The following NDUFAF1 variants were observed in gnomAD, a reference collection of about 807,000 sequenced individuals.
NDUFAF1 encodes NADH:ubiquinone oxidoreductase complex assembly factor 1.
In NDUFAF1, 18 loss-of-function variants were observed where a neutral mutation model predicts 28.7. The observed-to-expected ratio is 0.63, with a 90% CI of 0.43 to 0.93. The LOEUF (loss-of-function observed/expected upper bound fraction) is 0.93. Ranked by LOEUF, NDUFAF1 falls within the 40% of genes least tolerant of loss-of-function variation. The pLI is 0.00. For synonymous variants in NDUFAF1, 113 were observed against 139.7 expected (o/e 0.81, Z 1.35); for missense variants, 404 against 398.3 (o/e 1.01, Z -0.12).
upstream of NDUFAF1, chr15:41,402,503 A>G (rs2140934821): frequency 5.9e-6 from 2 of 336,802 alleles, no homozygotes; most frequent in South Asian, 4.5e-5. Context: ...GTATAGGTCC[A>G]TCTGCTTTTC....
chr15:41,387,640 A>G (rs1385631142), intron 4 of NDUFAF1, 47 bp from the exon 5 acceptor site: 3 of 1,487,120 alleles, frequency 2.0e-6, no homozygotes, highest in Non-Finnish European at 2.8e-6. Context: ...ACAGTGACGT[A>G]CTGAGATTAT....
chr15:41,397,123 C>CA lies in NDUFAF1; in HGVS notation c.-65dup, dbSNP rs2050400612. ...AGCAAGGGCCACCAAGAAGCTTCAGCAAATAGCCCAATTCTACCTATAACA... is the reference window on the plus strand; with the variant it reads ...AGCAAGGGCCACCAAGAAGCTTCAGCAAAATAGCCCAATTCTACCTATAACA... On this transcript the variant is annotated 5_prime_UTR_variant, in exon 2 of 5. It removes the in-frame stop codon of an upstream open reading frame in the 5' UTR. Transcript: ENST00000260361. The CA allele has an allele frequency of 7.5e-7, 1 of 1,337,402 alleles. No homozygotes were observed. Among genetic ancestry groups the CA allele is most frequent in the African/African-American group, 1.4e-5 (1 of 69,148 alleles). 82.8% of individuals were successfully genotyped at this position (1,337,402 alleles called of 1,614,324 possible). A position where few individuals can be genotyped will look rare whatever the true frequency, so the allele number is the denominator to read the frequency against.
chr15:41,387,972 T>C (rs2050272161), intron 4 of NDUFAF1, among the ~76,000 whole-genome samples: 1 of 152,124 alleles, frequency 6.6e-6, no homozygotes, highest in Non-Finnish European at 1.5e-5. Context: ...TAGCCAAGTG[T>C]GGTGGCAGGC....
At chr15:41,395,536 A>AT (rs559804321) in intron 2 of NDUFAF1, among the ~76,000 whole-genome samples, 1 of 149,654 alleles carries the variant, frequency 6.7e-6, no homozygotes, top group African/African-American at 2.5e-5. Context: ...CACCCGGCTA[A>AT]TTTTTTTGTA....
intron 3 of NDUFAF1, 100 bp downstream of exon 3, chr15:41,394,759 C>T: frequency 2.5e-6 from 3 of 1,222,146 alleles, no homozygotes; most frequent in Non-Finnish European, 3.6e-6. Context: ...CTCAGGTGAT[C>T]CACCCACCTC....
At chr15:41,399,872 A>G (rs1009653276) in intron 1 of NDUFAF1, among the ~76,000 whole-genome samples, 1 of 149,096 alleles carries the variant, frequency 6.7e-6, no homozygotes, top group African/African-American at 2.5e-5. Flanking sequence ...AAAAAAAAAA[A>G]AAAAAAAAAT....
intron 4 of NDUFAF1, among the ~76,000 whole-genome samples, chr15:41,388,235 T>C (rs2050275186): frequency 1.3e-5 from 2 of 152,170 alleles, no homozygotes; most frequent in Non-Finnish European, 2.9e-5. Flanking sequence ...AAGTAAAATG[T>C]AGGCATGCTA....
intron 3 of NDUFAF1, among the ~76,000 whole-genome samples, chr15:41,388,753 C>G (rs921813065): frequency 1.5e-4 from 22 of 150,644 alleles, no homozygotes; most frequent in African/African-American, 4.4e-4. Context: ...ATCCTAAACA[C>G]AGCTTTTTTT....
In NDUFAF1 at chr15:41,390,182, T is replaced by C. The variant is rs531905222; in HGVS notation, c.760-1660A>G. Reference sequence around the variant, plus strand: ...TTTGCCATGTTGCTCAGGCTTGTCTTAGACTCCTAGCTTCAAATGATTCAC... The same window carrying C: ...TTTGCCATGTTGCTCAGGCTTGTCTCAGACTCCTAGCTTCAAATGATTCAC... On this transcript the variant is annotated intron_variant, in intron 3 of 4. Transcript: ENST00000260361. Among the ~76,000 whole-genome samples the C allele has an allele frequency of 3.4e-4, 51 of 152,158 alleles. No homozygotes were observed. In the South Asian group the frequency reaches 1.0e-2, roughly 30 times the overall value.
At chr15:41,396,455 C>A in intron 2 of NDUFAF1, 32 bp downstream of exon 2, 1 of 1,600,012 alleles carries the variant, frequency 6.2e-7, no homozygotes, top group South Asian at 1.1e-5. Context: ...CCCCTGTTTA[C>A]TAGAAAACGA....
Position 41,402,194 on chromosome 15 carries a change from TGA to T in NDUFAF1, c.-134_-133del, listed in dbSNP as rs995219836. On this transcript the variant is annotated 5_prime_UTR_variant, in exon 1 of 5. Coordinates refer to ENST00000260361, the MANE Select transcript of NDUFAF1 (RefSeq NM_016013.4). ...TTTCACTGACGGCTCACAACAATCCTGAGAGAGGTACTATTATTATTTCAATT... is the reference window on the plus strand; with the variant it reads ...TTTCACTGACGGCTCACAACAATCCTGAGAGGTACTATTATTATTTCAATT... 8.8e-6 allele frequency: 4 copies of T among 453,966 alleles called. No homozygotes were observed. Among genetic ancestry groups the T allele is most frequent in the African/African-American group, 4.0e-5 (2 of 50,008 alleles). 28.1% of individuals were successfully genotyped at this position (453,966 alleles called of 1,614,324 possible).
chr15:41,398,159 C>T (rs1486198638), intron 1 of NDUFAF1, among the ~76,000 whole-genome samples: 1 of 151,284 alleles, frequency 6.6e-6, no homozygotes, highest in Non-Finnish European at 1.5e-5. Context: ...AGGAATGATG[C>T]ACTGTCCCCG....
At chr15:41,397,429 T>C (rs1372200270) in intron 1 of NDUFAF1, among the ~76,000 whole-genome samples, 8 of 152,106 alleles carry the variant, frequency 5.3e-5, no homozygotes, top group Admixed American at 1.3e-4. Flanking sequence ...TTTAAATTTT[T>C]TGTAGAAATG....
At chr15:41,400,677 C>A in intron 1 of NDUFAF1, among the ~76,000 whole-genome samples, 1 of 148,336 alleles carries the variant, frequency 6.7e-6, no homozygotes, top group Non-Finnish European at 1.5e-5. Flanking sequence ...CGCCCGCCAC[C>A]ATGCCCAGCT....
chr15:41,394,993 A>C lies in NDUFAF1; in HGVS notation c.625T>G (p.Tyr209Asp), dbSNP rs1444954006. 6.2e-7 allele frequency: 1 copy of C among 1,614,132 alleles called. No homozygotes were observed. Among genetic ancestry groups the C allele is most frequent in the Non-Finnish European group, 8.5e-7 (1 of 1,180,040 alleles). Residue 209 changes from tyrosine to aspartate, a missense_variant, in exon 3 of 5, where the codon TAT (tyrosine) becomes GAT (aspartate). By Grantham distance (160) the Tyr-to-Asp change is radical (BLOSUM62 -3). Transcript: ENST00000260361. The part of the protein sequence containing the change: ...SYDWSQFNTL[Y>D]LRVRGDGRPW... ...CGACCATCCCCACGTACACGGAGAT[A>C]CAGAGTATTGAACTGGGACCAATCG...
At position 41,388,504 on chromosome 15, in the gene NDUFAF1, A is replaced by C; in HGVS notation, c.778T>G (p.Phe260Val). The C allele has an allele frequency of 6.2e-7, 1 of 1,612,228 alleles. No individual in the cohort carries two copies. Among genetic ancestry groups the C allele is most frequent in the Non-Finnish European group, 8.5e-7 (1 of 1,178,266 alleles). Residue 260 changes from phenylalanine (F) to valine (V), a missense_variant, in exon 4 of 5, where the codon TTC becomes GTC. Transcript: ENST00000260361. The stretch of plus-strand genomic sequence containing the variant: ...CGGATTCTTCCTCGATTAGAGAAGA[A>C]AAATTTGGAAAAAGGAATCTGAAAG... ...QEVKIPFSKF[F>V]FSNRGRIRDV...
At chr15:41,399,906 A>ACGGGCACCTATAGGGTGGTGG (rs2050440156) in intron 1 of NDUFAF1, among the ~76,000 whole-genome samples, 1 of 147,580 alleles carries the variant, frequency 6.8e-6, no homozygotes, top group Non-Finnish European at 1.5e-5. Flanking sequence ...GGGTGTGGTG[A>ACGGGCACCTATAGGGTGGTGG]CGGGCACCTA....
At chr15:41,393,869 C>T (rs1465451251) in intron 3 of NDUFAF1, among the ~76,000 whole-genome samples, 4 of 150,676 alleles carry the variant, frequency 2.7e-5, no homozygotes, top group African/African-American at 9.8e-5. Context: ...CCGCGCCTGG[C>T]CTCTAATTCT....
At chr15:41,393,589 C>CTTTTTTTTTTTTTT (rs551792777) in intron 3 of NDUFAF1, among the ~76,000 whole-genome samples, 3 of 135,500 alleles carry the variant, frequency 2.2e-5, no homozygotes, top group African/African-American at 8.7e-5. Context: ...CGCGGCCGGC[C>CTTTTTTTTTTTTTT]TTTTTTTTTT....
Sources: gnomAD v4.1 joint callset for allele counts (sites outside exome capture counted in the v4.1 genomes callset) on GRCh38, gnomAD v4.1.1 for gene constraint, MANE v1.5 for transcripts, NCBI Gene and HGNC (gene_info 2026-07-23, HGNC 2026-07-21) for gene names.